The following TENM1 variants were observed in gnomAD, a reference collection of about 807,000 sequenced individuals.
TENM1 encodes teneurin transmembrane protein 1, also known as teneurin-1.
Under a neutral mutation model 174.8 loss-of-function variants are expected in TENM1, and 35 were observed. That is an observed-to-expected ratio of 0.20 (90% CI 0.15 to 0.27). The LOEUF (loss-of-function observed/expected upper bound fraction) is 0.27. TENM1 is among the 10% of genes least tolerant of loss of function. The probability of loss-of-function intolerance (pLI) is 1.00; values close to 1 mark genes in which losing one functional copy is unlikely to be tolerated. For missense variants in TENM1, 1,633 were observed against 2,130.1 expected (o/e 0.77, Z 4.59); for synonymous variants, 781 against 798.7 (o/e 0.98, Z 0.37).
exon 30 of TENM1, chrX:124,384,698 G>A: frequency 8.3e-7 from 1 of 1,211,135 alleles, no homozygotes; most frequent in Non-Finnish European, 1.1e-6. Flanking sequence ...TGTTCTGCCA[G>A]AGACATCAAC....
At chrX:125,132,906 CATT>C in the TENM1 span, among the ~76,000 whole-genome samples, 1 of 112,090 alleles carries the variant, frequency 8.9e-6, no homozygotes, top group Non-Finnish European at 1.9e-5. Flanking sequence ...ACACTCATAA[CATT>C]ATTATGAAGG....
At chrX:124,678,701 T>A (rs1015170327) in intron 5 of TENM1, among the ~76,000 whole-genome samples, 5 of 111,380 alleles carry the variant, frequency 4.5e-5, no homozygotes, top group African/African-American at 1.6e-4. Context: ...TGAAAGGGAT[T>A]GGCTGTCCAA....
chrX:124,970,844 C>T, the TENM1 span, among the ~76,000 whole-genome samples: 3,386 of 110,541 alleles, frequency 0.031, 89 homozygotes, highest in African/African-American at 0.089. Flanking sequence ...CACGTATGTT[C>T]ATGGCGGCAC....
At chrX:124,502,763 T>G (rs1333031755) in intron 19 of TENM1, among the ~76,000 whole-genome samples, 1 of 111,875 alleles carries the variant, frequency 8.9e-6, no homozygotes, top group East Asian at 2.8e-4. Flanking sequence ...ACCTTCAGAG[T>G]CCCACACTGG....
the TENM1 span, among the ~76,000 whole-genome samples, chrX:125,140,989 T>C: frequency 9.0e-6 from 1 of 111,437 alleles, no homozygotes; most frequent in Non-Finnish European, 1.9e-5. Context: ...GGAGAGTATA[T>C]CTGGAAGTAA....
intron 16 of TENM1, among the ~76,000 whole-genome samples, chrX:124,529,487 A>G (rs998017983): frequency 1.8e-5 from 2 of 111,881 alleles, no homozygotes; most frequent in East Asian, 2.8e-4. Context: ...GTACTTTTGG[A>G]AGAAATATTT....
chrX:124,971,729 C>T, the TENM1 span, among the ~76,000 whole-genome samples: 2 of 111,783 alleles, frequency 1.8e-5, no homozygotes, highest in Admixed American at 9.5e-5. Flanking sequence ...TGTGGGAACA[C>T]TCTCTTCTTT....
intron 18 of TENM1, among the ~76,000 whole-genome samples, chrX:124,519,175 G>A (rs1371416239): frequency 9.0e-6 from 1 of 111,669 alleles, no homozygotes; most frequent in African/African-American, 3.3e-5. Flanking sequence ...TTCTAGAAAT[G>A]CAATGTGTCC....
intron 18 of TENM1, among the ~76,000 whole-genome samples, chrX:124,504,853 G>A (rs1177810563): frequency 3.6e-5 from 4 of 109,899 alleles, no homozygotes; most frequent in Non-Finnish European, 7.6e-5. Context: ...GGCATTAGGT[G>A]AAGGGAAAAG....
At chrX:124,555,654 G>A (rs1451882808) in intron 14 of TENM1, among the ~76,000 whole-genome samples, 1 of 111,746 alleles carries the variant, frequency 8.9e-6, no homozygotes, top group Non-Finnish European at 1.9e-5. Context: ...TGAAACTTGG[G>A]TGGAAGAATG....
the TENM1 span, among the ~76,000 whole-genome samples, chrX:125,192,468 C>T: frequency 8.9e-6 from 1 of 111,816 alleles, no homozygotes; most frequent in South Asian, 3.7e-4. Flanking sequence ...AAATGATCAT[C>T]CTGGTTGCCG....
chrX:124,571,865 C>T (rs1298985190), intron 11 of TENM1, among the ~76,000 whole-genome samples: 6 of 110,056 alleles, frequency 5.5e-5, no homozygotes, highest in Non-Finnish European at 1.1e-4. Context: ...TACCAGAGAA[C>T]AGGAAAAAAG....
chrX:124,486,474 A>T (rs1005509439), intron 21 of TENM1, among the ~76,000 whole-genome samples: 1 of 112,124 alleles, frequency 8.9e-6, no homozygotes, highest in Non-Finnish European at 1.9e-5. Context: ...GGCATTTAGG[A>T]AGTGGCATTG....
chrX:124,384,379 A>G (rs1203774493), exon 30 of TENM1: 2 of 1,211,678 alleles, frequency 1.7e-6, no homozygotes, highest in East Asian at 5.9e-5. Flanking sequence ...TGATGTTTCC[A>G]TTCAGATCGT....
chrX:124,531,053 T>G (rs2048094981), intron 15 of TENM1, among the ~76,000 whole-genome samples: 1 of 109,893 alleles, frequency 9.1e-6, no homozygotes, highest in Non-Finnish European at 1.9e-5. Context: ...GGACATGAAT[T>G]TTATAGCTGG....
At chrX:124,522,324 T>G (rs933094838) in intron 17 of TENM1, among the ~76,000 whole-genome samples, 22 of 111,581 alleles carry the variant, frequency 2.0e-4, no homozygotes, top group African/African-American at 7.1e-4. Flanking sequence ...ATGCATTTCC[T>G]TCTGGATTTC....
chrX:124,640,776 C>T (rs765251679), intron 11 of TENM1, among the ~76,000 whole-genome samples: 7 of 109,630 alleles, frequency 6.4e-5, no homozygotes, highest in African/African-American at 1.0e-4. Flanking sequence ...CTGGCTAACA[C>T]GGTGAAACCC....
At chrX:124,673,884 G>A (rs2051988303) in intron 5 of TENM1, among the ~76,000 whole-genome samples, 2 of 111,529 alleles carry the variant, frequency 1.8e-5, no homozygotes, top group South Asian at 7.4e-4. Context: ...AAACAATGGT[G>A]GAACCATTAA....
At chrX:124,494,870 C>T (rs866719485) in intron 20 of TENM1, among the ~76,000 whole-genome samples, 1,607 of 101,527 alleles carry the variant, frequency 0.016, 38 homozygotes, top group African/African-American at 0.054. Flanking sequence ...GCATAGTATT[C>T]CATGGTGTAT....
Sources: gnomAD v4.1 joint callset for allele counts (sites outside exome capture counted in the v4.1 genomes callset) on GRCh38, gnomAD v4.1.1 for gene constraint, MANE v1.5 for transcripts, NCBI Gene and HGNC (gene_info 2026-07-23, HGNC 2026-07-21) for gene names.